The following STPG2 variants were observed in gnomAD, a reference collection of about 807,000 sequenced individuals.
The protein encoded by STPG2 is sperm tail PG-rich repeat containing 2.
In STPG2, 56 loss-of-function variants were observed where a neutral mutation model predicts 54.2. That is an observed-to-expected ratio of 1.03 (90% confidence interval 0.83 to 1.29). The LOEUF is 1.29. Among genes scored for constraint, STPG2 ranks in the 50% most tolerant of loss-of-function variants. The pLI, the probability that STPG2 is intolerant of heterozygous loss-of-function variation, is 0.00. For missense variants in STPG2, 596 were observed against 544.9 expected (o/e 1.09, Z -0.93); for synonymous variants, 200 against 181.8 (o/e 1.10, Z -0.81).
At chr4:98,005,782 T>C (rs1233534555) in intron 5 of STPG2, among the ~76,000 whole-genome samples, 1 of 152,232 alleles carries the variant, frequency 6.6e-6, no homozygotes, top group Non-Finnish European at 1.5e-5. Flanking sequence ...AGTATATTGT[T>C]GAGAAGTTTT....
intron 8 of STPG2, among the ~76,000 whole-genome samples, chr4:97,856,070 C>A (rs1729324779): frequency 6.6e-6 from 1 of 152,096 alleles, no homozygotes; most frequent in African/African-American, 2.4e-5. Context: ...GTTACTGTAG[C>A]CCCGGACTAT....
intron 5 of STPG2, among the ~76,000 whole-genome samples, chr4:98,012,233 C>G (rs949910446): frequency 2.6e-5 from 4 of 152,078 alleles, no homozygotes; most frequent in Non-Finnish European, 5.9e-5. Context: ...TTGTTTTTGT[C>G]AGGTTTGTCA....
chr4:98,074,007 T>G (rs1441425594), intron 5 of STPG2, among the ~76,000 whole-genome samples: 1 of 152,162 alleles, frequency 6.6e-6, no homozygotes, highest in Admixed American at 6.5e-5. Flanking sequence ...TAATTTTTGT[T>G]TTTATTTAGA....
intron 8 of STPG2, among the ~76,000 whole-genome samples, chr4:97,851,892 C>T (rs898922823): frequency 2.6e-5 from 4 of 152,134 alleles, no homozygotes; most frequent in African/African-American, 9.7e-5. Context: ...GCCTGTATAA[C>T]CTTTCTCTTC....
rs190192882 is a variant in STPG2 at position 97,593,637 on chromosome 4, A to G, written c.1321-34520T>C. 4.1e-3 allele frequency among the ~76,000 whole-genome samples: 628 copies of G among 152,208 alleles called. 3 individuals are homozygous for G. Among genetic ancestry groups the G allele is most frequent in the South Asian group, 0.02 (96 of 4,824 alleles). ...ACACTGCAGCCCCAGACCCACTGCT[A>G]CACCACCCCAGCCAATGCCCCTGTA... On this transcript the variant is annotated intron_variant, in intron 10 of 10. Transcript: ENST00000295268.
chr4:97,664,648 T>C (rs1345879340), intron 10 of STPG2, among the ~76,000 whole-genome samples: 1 of 151,906 alleles, frequency 6.6e-6, no homozygotes, highest in Non-Finnish European at 1.5e-5. Flanking sequence ...TACTCCACAG[T>C]TTTCAATTGT....
chr4:97,825,107 C>T (rs959060429), intron 9 of STPG2, among the ~76,000 whole-genome samples: 1 of 151,912 alleles, frequency 6.6e-6, no homozygotes, highest in Non-Finnish European at 1.5e-5. Flanking sequence ...CAGCCTGAGG[C>T]TCCTTGGTAA....
chr4:97,912,700 C>T (rs945079323), intron 8 of STPG2, among the ~76,000 whole-genome samples: 2 of 152,128 alleles, frequency 1.3e-5, no homozygotes, highest in Non-Finnish European at 2.9e-5. Context: ...TTTAAAAAGA[C>T]CAAACCTATG....
At chr4:97,906,759 C>T (rs1234784729) in intron 8 of STPG2, among the ~76,000 whole-genome samples, 1 of 151,976 alleles carries the variant, frequency 6.6e-6, no homozygotes, top group African/African-American at 2.4e-5. Context: ...GAGCCAAAGA[C>T]AAAAACCACA....
rs184350098 is a variant in STPG2 at position 97,975,872 on chromosome 4, A to G, written c.773-3432T>C. 2.9e-3 allele frequency among the ~76,000 whole-genome samples: 436 copies of G among 152,302 alleles called. 3 individuals are homozygous for G. Among genetic ancestry groups the G allele is most frequent in the African/African-American group, 9.9e-3 (411 of 41,574 alleles). ...ATGTAAATTGACTATTTCACTAAGC[A>G]TTTTGTAACTAGTCCTTCTGAATGA... is the stretch of plus-strand genomic sequence containing the variant. On this transcript the variant is annotated intron_variant, in intron 6 of 10. Transcript: ENST00000295268.
intron 4 of STPG2, among the ~76,000 whole-genome samples, chr4:97,533,703 G>C (rs2148855147): frequency 6.6e-6 from 1 of 152,032 alleles, no homozygotes; most frequent in South Asian, 2.1e-4. Flanking sequence ...CCATATTATA[G>C]CATGTATCAA....
In STPG2 at chr4:97,930,052, C is replaced by T. The variant is rs113499288; in HGVS notation, c.1044+13845G>A. Among the ~76,000 whole-genome samples, 308 of 152,218 alleles carry T rather than the reference C, an allele frequency of 2.0e-3. 2 individuals carry two copies. Among genetic ancestry groups the T allele is most frequent in the African/African-American group, 7.3e-3 (302 of 41,526 alleles). On this transcript the variant is annotated intron_variant, in intron 8 of 10. Coordinates refer to ENST00000295268, the MANE Select transcript of STPG2 (RefSeq NM_174952.3). ...TACCTGGGACTACAGGCAAGCACCA[C>T]CACGCCCAGCTAATTTTTGTATTTT... is the stretch of plus-strand genomic sequence containing the variant.
intron 9 of STPG2, among the ~76,000 whole-genome samples, chr4:97,727,486 T>G: frequency 6.6e-6 from 1 of 151,934 alleles, no homozygotes. Flanking sequence ...AGAAACTAGC[T>G]TTTCTAAGCA....
intron 5 of STPG2, among the ~76,000 whole-genome samples, chr4:97,981,720 T>C (rs903305219): frequency 2.0e-5 from 3 of 151,180 alleles, no homozygotes; most frequent in African/African-American, 7.3e-5. Context: ...CCTCAACATG[T>C]ATATTCAATT....
At chr4:97,455,725 A>T (rs186821664) in intron 4 of STPG2, among the ~76,000 whole-genome samples, 1 of 152,194 alleles carries the variant, frequency 6.6e-6, no homozygotes, top group African/African-American at 2.4e-5. Flanking sequence ...TGTCCTTGCA[A>T]TGAGGCAGAG....
chr4:97,901,678 A>G (rs547000225), intron 8 of STPG2, among the ~76,000 whole-genome samples: 1 of 152,118 alleles, frequency 6.6e-6, no homozygotes, highest in African/African-American at 2.4e-5. Context: ...TAGAAGATAC[A>G]AATAAATGAA....
intron 10 of STPG2, among the ~76,000 whole-genome samples, chr4:97,574,875 T>TA (rs1296383420): frequency 1.3e-5 from 2 of 151,940 alleles, no homozygotes; most frequent in Non-Finnish European, 2.9e-5. Flanking sequence ...AATGTATATG[T>TA]AAAAAATTTT....
intron 10 of STPG2, among the ~76,000 whole-genome samples, chr4:97,680,204 A>G (rs1015113639): frequency 5.3e-5 from 8 of 151,514 alleles, no homozygotes; most frequent in African/African-American, 1.9e-4. Flanking sequence ...TTGAATCTGT[A>G]AATTACCTTG....
chr4:97,681,300 G>T (rs1248143348), intron 10 of STPG2, among the ~76,000 whole-genome samples: 1 of 151,702 alleles, frequency 6.6e-6, no homozygotes, highest in African/African-American at 2.4e-5. Context: ...TTTTATGTTC[G>T]ATATAGAACA....
Sources: allele counts gnomAD v4.1 joint callset (sites outside exome capture counted in the v4.1 genomes callset), GRCh38; gene constraint gnomAD v4.1.1; transcripts MANE v1.5; gene names NCBI Gene and HGNC (gene_info 2026-07-23, HGNC 2026-07-21).